The following ADAMTS9 variants were observed in gnomAD, a reference collection of about 807,000 sequenced individuals.
ADAMTS9 encodes A disintegrin and metalloproteinase with thrombospondin motifs 9.
Under a neutral mutation model 257.1 loss-of-function variants are expected in ADAMTS9, and 107 were observed. The ratio of observed to expected loss-of-function variants is 0.42; its 90% confidence interval spans 0.36 to 0.49. ADAMTS9 has a LOEUF of 0.49. ADAMTS9 is among the 20% of genes least tolerant of loss of function. The pLI is 0.03. For missense variants in ADAMTS9, 2,353 were observed against 2,469.1 expected, an observed-to-expected ratio of 0.95 and a Z score of 1.00; for synonymous variants, 982 against 880.9, an observed-to-expected ratio of 1.11 and a Z score of -2.03.
chr3:64,558,225 C>T (rs994190388), intron 30 of ADAMTS9, among the ~76,000 whole-genome samples: 3 of 152,046 alleles, frequency 2.0e-5, no homozygotes, highest in Non-Finnish European at 4.4e-5. Flanking sequence ...TAGGTGCCAG[C>T]GTGCAAGCTT....
Position 64,610,519 on chromosome 3 carries a change from A to T in ADAMTS9, c.3354+2826T>A, listed in dbSNP as rs2084645451. Among the ~76,000 whole-genome samples the T allele has an allele frequency of 2.0e-5, 3 of 152,188 alleles. No individual in the cohort carries two copies. The South Asian group carries it at 6.2e-4, about 31-fold the overall frequency. On this transcript the variant is annotated intron_variant, in intron 22 of 39. Transcript: ENST00000498707. ...ACACAATTCATATTTTTTTTTAAAA[A>T]ATTGGCAAAGAAGTTGAATAGACAC...
At chr3:64,533,718 C>T (rs571686446) in intron 37 of ADAMTS9, among the ~76,000 whole-genome samples, 1 of 152,186 alleles carries the variant, frequency 6.6e-6, no homozygotes, top group Non-Finnish European at 1.5e-5. Context: ...GCTTCCAGCT[C>T]CCTGGGGCGA....
chr3:64,627,754 C>T (rs922338514), intron 16 of ADAMTS9, among the ~76,000 whole-genome samples: 5 of 152,082 alleles, frequency 3.3e-5, no homozygotes, highest in African/African-American at 1.2e-4. Flanking sequence ...AAAAGGCCCT[C>T]TCTCCTGGAA....
intron 30 of ADAMTS9, 118 bp downstream of exon 30, chr3:64,561,460 G>T (rs1455253353): frequency 2.6e-6 from 3 of 1,153,776 alleles, no homozygotes; most frequent in Non-Finnish European, 3.6e-6. Context: ...TTTTGGGAAA[G>T]AGCCAGCATT....
At chr3:64,541,010 C>T (rs1284699481) in intron 36 of ADAMTS9, 85 bp downstream of exon 36, 2 of 1,556,050 alleles carry the variant, frequency 1.3e-6, no homozygotes, top group East Asian at 2.2e-5. Flanking sequence ...TACGCACCTC[C>T]CTGCTAGCCA....
intron 12 of ADAMTS9, among the ~76,000 whole-genome samples, chr3:64,637,823 C>T (rs1700537807): frequency 6.6e-6 from 1 of 152,154 alleles, no homozygotes; most frequent in Non-Finnish European, 1.5e-5. Flanking sequence ...GCTGTACCAG[C>T]CCATCTTTAA....
intron 3 of ADAMTS9, 131 bp from the exon 4 acceptor site, chr3:64,658,922 C>G (rs536927068): frequency 3.3e-6 from 3 of 907,998 alleles, no homozygotes; most frequent in South Asian, 3.5e-5. Context: ...TCCATGGACT[C>G]TACAGATGCA....
chr3:64,553,030 CT>C (rs796880612), intron 30 of ADAMTS9, among the ~76,000 whole-genome samples: 178 of 146,674 alleles, frequency 1.2e-3, no homozygotes, highest in African/African-American at 1.8e-3. Context: ...TGCCCTATGT[CT>C]TTTTTTTTTT....
rs540744102 is a variant in ADAMTS9, at chr3:64,687,459, C to T, written c.115+84G>A. The T allele has an allele frequency of 1.1e-5, 12 of 1,118,698 alleles. No homozygotes were observed. The Admixed American group carries it at 3.3e-4, about 31-fold the overall frequency. The allele number at this position is 1,118,698 out of a possible 1,614,324, so 69.3% of individuals were successfully genotyped here. A position where few individuals can be genotyped will look rare whatever the true frequency, so the allele number is the denominator to read the frequency against. ...TTTCTAGGAAAAGGAGAGAAGCCTC[C>T]GCTGCGGGGTGCCCCTGCCCAGGAG... On this transcript the variant is annotated intron_variant, in intron 1 of 39. Transcript: ENST00000498707. The surrounding 1 kb of genome is among the most constrained non-coding windows in gnomAD (Gnocchi z 4.4).
chr3:64,626,147 G>T (rs937882256), intron 16 of ADAMTS9, among the ~76,000 whole-genome samples: 2 of 152,148 alleles, frequency 1.3e-5, no homozygotes, highest in Non-Finnish European at 2.9e-5. Flanking sequence ...ATCAGCTTTA[G>T]TTCCTGGCAG....
intron 25 of ADAMTS9, among the ~76,000 whole-genome samples, chr3:64,602,781 TCTC>T (rs1349745837): frequency 1.3e-5 from 2 of 152,170 alleles, no homozygotes; most frequent in Non-Finnish European, 2.9e-5. Flanking sequence ...CTATTCCACT[TCTC>T]CTCTTGACCT....
chr3:64,596,863 A>C lies in ADAMTS9; in HGVS notation c.4146T>G (p.Pro1382=). 6.2e-7 allele frequency: 1 copy of C among 1,614,022 alleles called. No homozygotes were observed. Among genetic ancestry groups the C allele is most frequent in the African/African-American group, 1.3e-5 (1 of 75,034 alleles). ...PDEQRACESG[P]CPQWAYGNWG... ...AGTTGCCATAAGCCCACTGAGGACA[A>C]GGGCCGGATTCACAGGCTCTTTGCT... Residue 1382 remains proline, a synonymous_variant, in exon 27 of 40, where the codon CCT becomes CCG. Transcript: ENST00000498707.
Position 64,541,152 on chromosome 3 carries a change from C to A in ADAMTS9, c.5464G>T (p.Ala1822Ser). ...DCQCRKDYTAAGFSSFQKIRI... is the reference protein window; with the variant it reads ...DCQCRKDYTASGFSSFQKIRI... The stretch of plus-strand genomic sequence containing the variant: ...ATTTTCTGAAAACTGGAAAACCCAG[C>A]GGCCGTGTAATCCTTCCGACATTGG... The change falls in exon 36 of 40, where the codon GCT becomes TCT. Residue 1822 changes from alanine to serine, a missense_variant. Ala to Ser is a moderately conservative substitution (Grantham distance 99). This residue lies in a region of ADAMTS9 where 1,402 missense variants were observed against 1,441.4 expected (regional missense o/e 0.97). Transcript: ENST00000498707. 1.2e-5 allele frequency: 20 copies of A among 1,614,196 alleles called. No individual in the cohort carries two copies. The highest frequency in any genetic ancestry group is 4.5e-5 in the East Asian group (2 of 44,878).
At chr3:64,633,304 C>T (rs1366757181) in intron 14 of ADAMTS9, among the ~76,000 whole-genome samples, 168 bp downstream of exon 14, 2 of 152,026 alleles carry the variant, frequency 1.3e-5, no homozygotes, top group Non-Finnish European at 2.9e-5. Flanking sequence ...CTACACGCAT[C>T]AGAAAAAAGT....
chr3:64,578,008 T>C (rs1355991004), intron 28 of ADAMTS9, among the ~76,000 whole-genome samples: 5 of 152,218 alleles, frequency 3.3e-5, no homozygotes, highest in Non-Finnish European at 5.9e-5. Context: ...CTGAAAATTT[T>C]ATAACATTTT....
At chr3:64,597,980 A>G (rs549357552) in intron 26 of ADAMTS9, among the ~76,000 whole-genome samples, 1 of 152,304 alleles carries the variant, frequency 6.6e-6, no homozygotes, top group Admixed American at 6.5e-5. Flanking sequence ...CTTTCTAGCT[A>G]ATCGTAGCTC....
chr3:64,585,847 C>T (rs2084134909), intron 28 of ADAMTS9, among the ~76,000 whole-genome samples: 1 of 152,064 alleles, frequency 6.6e-6, no homozygotes, highest in South Asian at 2.1e-4. Context: ...TGGTTTGAGA[C>T]AATTTTCTTA....
In ADAMTS9 at chr3:64,615,471, A is replaced by G. The variant is rs2084744880; in HGVS notation, c.3039T>C (p.Cys1013=). ...YSAWTECSKS[C]DGGTQRRRAI... Reference sequence around the variant, plus strand: ...CCCTTCTCCTCTGGGTCCCACCGTCACAGCTTTTTGAACACTGTAGGGACA... The same window carrying G: ...CCCTTCTCCTCTGGGTCCCACCGTCGCAGCTTTTTGAACACTGTAGGGACA... Residue 1013 remains cysteine, a synonymous_variant, in exon 21 of 40, where the codon TGT becomes TGC. Transcript: ENST00000498707. The G allele has an allele frequency of 3.7e-6, 6 of 1,613,216 alleles. No individual in the cohort carries two copies. Among genetic ancestry groups the G allele is most frequent in the Non-Finnish European group, 5.1e-6 (6 of 1,179,646 alleles).
chr3:64,673,004 C>G (rs930051344), intron 3 of ADAMTS9, among the ~76,000 whole-genome samples: 1 of 133,294 alleles, frequency 7.5e-6, no homozygotes, highest in Non-Finnish European at 1.6e-5. Context: ...ACATACTGTA[C>G]AGGTCTGTAG....
Sources: gnomAD v4.1 joint callset for allele counts (sites outside exome capture counted in the v4.1 genomes callset) on GRCh38, gnomAD v4.1.1 for gene constraint, gnomAD v4.1.1 regional missense constraint, Gnocchi (gnomAD v3.1) non-coding constraint, MANE v1.5 for transcripts, NCBI Gene and HGNC (gene_info 2026-07-23, HGNC 2026-07-21) for gene names.